Variants in FBN2 observed in about 807,000 individuals in gnomAD.
FBN2 encodes fibrillin-2.
FBN2 carries 105 observed loss-of-function variants against 355.6 expected under a neutral mutation model. That is an observed-to-expected ratio of 0.30 (90% CI 0.25 to 0.35). The LOEUF (loss-of-function observed/expected upper bound fraction) is 0.35. FBN2 is among the 10% of genes least tolerant of loss of function. The pLI is 1.00. For missense variants in FBN2, 3,280 were observed against 3,758.7 expected, an observed-to-expected ratio of 0.87 and a Z score of 3.33; for synonymous variants, 1,350 against 1,301.2, an observed-to-expected ratio of 1.04 and a Z score of -0.81.
Position 128,278,012 on chromosome 5 carries a change from A to G in FBN2, c.7346-7T>C, listed in dbSNP as rs1182299317. ...ACCTTACATTCATCAATATCTGTGG[A>G]CCAAAACAACAAAAACAATCAGGAG... On this transcript the variant is annotated splice_region_variant and splice_polypyrimidine_tract_variant and intron_variant, in intron 57 of 64. Coordinates refer to ENST00000262464, the MANE Select transcript of FBN2 (RefSeq NM_001999.4). 4.3e-6 allele frequency: 7 copies of G among 1,613,978 alleles called. No homozygotes were observed. Among genetic ancestry groups the G allele is most frequent in the South Asian group, 2.2e-5 (2 of 91,080 alleles).
Position 128,300,203 on chromosome 5 carries a change from C to T in FBN2, c.6166+614G>A, listed in dbSNP as rs577375543. Among the ~76,000 whole-genome samples the T allele has an allele frequency of 5.9e-5, 9 of 152,240 alleles. No homozygotes were observed. In the South Asian group the frequency reaches 1.9e-3, roughly 32 times the overall value. ...AAATGCTGGTGCTTCTGAATTTCAA[C>T]AAGGCTGTAAAAAATAATTTGTATA... On this transcript the variant is annotated intron_variant, in intron 48 of 64. Coordinates refer to ENST00000262464, the MANE Select transcript of FBN2 (RefSeq NM_001999.4).
At chr5:128,339,122 C>A (rs990605408) in intron 25 of FBN2, 61 bp from the exon 26 acceptor site, 1 of 1,566,684 alleles carries the variant, frequency 6.4e-7, no homozygotes, top group Non-Finnish European at 8.8e-7. Context: ...GCCTTCCAAG[C>A]GAAGGTGCTG....
chr5:128,376,159 C>T (rs1752072151), intron 14 of FBN2, among the ~76,000 whole-genome samples: 1 of 152,062 alleles, frequency 6.6e-6, no homozygotes, highest in Non-Finnish European at 1.5e-5. Context: ...TCATTTATTT[C>T]CAAGAGGTAT....
rs115153648 is a variant in FBN2 at position 128,517,280 on chromosome 5, G to A, written c.628+1993C>T. Reference sequence around the variant, plus strand: ...CTTTGAAATCTGCTTCAGGATGAAAGAGCTACAAAGTTTACCTGACTCCCA... The same window carrying A: ...CTTTGAAATCTGCTTCAGGATGAAAAAGCTACAAAGTTTACCTGACTCCCA... On this transcript the variant is annotated intron_variant, in intron 5 of 64. Transcript: ENST00000262464. 3.9e-3 allele frequency among the ~76,000 whole-genome samples: 601 copies of A among 152,188 alleles called. 3 individuals carry two copies. The highest frequency in any genetic ancestry group is 0.014 in the African/African-American group (568 of 41,552).
At chr5:128,380,928 T>C (rs533550750) in intron 11 of FBN2, among the ~76,000 whole-genome samples, 4 of 152,034 alleles carry the variant, frequency 2.6e-5, no homozygotes, top group Admixed American at 6.6e-5. Context: ...TTAAGCAAAA[T>C]TCATGGGATT....
intron 36 of FBN2, among the ~76,000 whole-genome samples, chr5:128,317,104 A>C (rs894906198): frequency 9.2e-5 from 14 of 152,160 alleles, no homozygotes; most frequent in African/African-American, 3.4e-4. Context: ...TTCTCCTTGT[A>C]ACTGGAGGCT....
chr5:128,460,463 T>A (rs546583537), intron 6 of FBN2, among the ~76,000 whole-genome samples: 5 of 152,316 alleles, frequency 3.3e-5, no homozygotes, highest in Admixed American at 3.3e-4. Context: ...GCTATTCCCA[T>A]TGAACTGCCA....
At chr5:128,269,595 CAG>C (rs1431124653) in intron 62 of FBN2, among the ~76,000 whole-genome samples, 2 of 152,088 alleles carry the variant, frequency 1.3e-5, no homozygotes, top group Admixed American at 6.6e-5. Context: ...AATAGACAAG[CAG>C]AGAGTCAAAC....
rs1341740762 is a variant in FBN2, at chr5:128,288,510, T to C, written c.6685A>G (p.Thr2229Ala). The change falls in exon 53 of 65, where the codon ACC becomes GCC. Residue 2229 changes from threonine (T) to alanine (A), a missense_variant. Transcript: ENST00000262464. ...CATTCAAAACTCCCAATAACATTGG[T>C]GCATGTACCATTTCCACACGGATTG... is the stretch of plus-strand genomic sequence containing the variant. The part of the protein sequence containing the change: ...IGNPCGNGTC[T>A]NVIGSFECNC... The C allele has an allele frequency of 6.2e-7, 1 of 1,613,758 alleles. No individual in the cohort carries two copies. The highest frequency in any genetic ancestry group is 1.7e-5 in the Admixed American group (1 of 60,016).
intron 56 of FBN2, 149 bp from the exon 57 acceptor site, chr5:128,278,990 A>G: frequency 1.4e-6 from 1 of 715,446 alleles, no homozygotes; most frequent in Admixed American, 2.0e-5. Context: ...GCTGGCAGTT[A>G]AGTTCATAGC....
intron 7 of FBN2, among the ~76,000 whole-genome samples, chr5:128,435,858 T>C (rs1253611715): frequency 6.6e-6 from 1 of 152,244 alleles, no homozygotes; most frequent in African/African-American, 2.4e-5. Context: ...TTTTGCTGAA[T>C]AATTTTCTTT....
intron 3 of FBN2, among the ~76,000 whole-genome samples, chr5:128,530,174 T>C (rs898997892): frequency 6.6e-6 from 1 of 152,202 alleles, no homozygotes; most frequent in African/African-American, 2.4e-5. Flanking sequence ...GTTATAATTA[T>C]CTTATGAAGT....
chr5:128,308,691 T>C (rs1749951615), intron 41 of FBN2, among the ~76,000 whole-genome samples: 2 of 152,158 alleles, frequency 1.3e-5, no homozygotes, highest in African/African-American at 4.8e-5. Context: ...GAAAAAAACA[T>C]GACCAAGTGA....
At chr5:128,328,384 C>T (rs1225107867) in intron 34 of FBN2, 1 of 584,358 alleles carries the variant, frequency 1.7e-6, no homozygotes, top group African/African-American at 1.9e-5. Flanking sequence ...ACTTTAAAAG[C>T]TGAATAGTTT....
Position 128,446,665 on chromosome 5 carries a change from T to C in FBN2, c.827-59A>G. On this transcript the variant is annotated intron_variant, in intron 6 of 64. Coordinates refer to ENST00000262464, the MANE Select transcript of FBN2 (RefSeq NM_001999.4). ...ACTGGTTTTCAGAATATCTATACTT[T>C]TTTTTACTATAAAAACTTTATATAA... 1.9e-6 allele frequency: 3 copies of C among 1,572,308 alleles called. No individual in the cohort carries two copies. The South Asian group carries it at 3.4e-5, about 18-fold the overall frequency.
intron 15 of FBN2, among the ~76,000 whole-genome samples, chr5:128,370,876 A>T (rs1751915629): frequency 6.6e-6 from 1 of 152,170 alleles, no homozygotes; most frequent in Admixed American, 6.5e-5. Context: ...AGAAAGTAGC[A>T]TAACTTATGT....
At chr5:128,449,366 G>A (rs529067826) in intron 6 of FBN2, among the ~76,000 whole-genome samples, 464 of 123,618 alleles carry the variant, frequency 3.8e-3, no homozygotes, top group Non-Finnish European at 4.4e-3. Flanking sequence ...ATAGTATACT[G>A]TATAATTTAT....
rs146598481 is a variant in FBN2 at position 128,304,732 on chromosome 5, C to T, written c.5800+225G>A. Among the ~76,000 whole-genome samples, 411 of 152,258 alleles carry T rather than the reference C, an allele frequency of 2.7e-3. 4 individuals carry two copies. Among genetic ancestry groups the T allele is most frequent in the Non-Finnish European group, 2.2e-3 (151 of 68,034 alleles). ...AAAAAGCTGTGAATCACTGAACTGA[C>T]GAACATATCGCAGTATGTCCCTGCT... On this transcript the variant is annotated intron_variant, in intron 45 of 64. Coordinates refer to ENST00000262464, the MANE Select transcript of FBN2 (RefSeq NM_001999.4).
In FBN2 at chr5:128,537,536, G is replaced by A. The variant is rs199560824; in HGVS notation, c.68C>T (p.Ala23Val). 6.3e-7 allele frequency: 1 copy of A among 1,590,822 alleles called. No individual in the cohort carries two copies. Among genetic ancestry groups the A allele is most frequent in the East Asian group, 2.3e-5 (1 of 43,516 alleles). Residue 23 changes from alanine (A) to valine (V), a missense_variant, in exon 1 of 65, where the codon GCG (alanine) becomes GTG (valine). Physicochemically the swap from Ala to Val is moderately conservative, Grantham distance 64 (BLOSUM62 0). This residue lies in a region of FBN2 where 203 missense variants were observed against 142.2 expected (regional missense o/e 1.43). Coordinates refer to ENST00000262464, the MANE Select transcript of FBN2 (RefSeq NM_001999.4). ...CTGAGGCTGGCCGGCCGTGCCCTGCGCCCAGAGCACCACACAGCCCAGCCA... is the reference window on the plus strand; with the variant it reads ...CTGAGGCTGGCCGGCCGTGCCCTGCACCCAGAGCACCACACAGCCCAGCCA... ...FLWLGCVVLW[A>V]QGTAGQPQPP...
Sources: allele counts gnomAD v4.1 joint callset (sites outside exome capture counted in the v4.1 genomes callset), GRCh38; gene constraint gnomAD v4.1.1; regional missense constraint gnomAD v4.1.1; transcripts MANE v1.5; gene names NCBI Gene and HGNC (gene_info 2026-07-23, HGNC 2026-07-21).